The following SOHLH2 variants were observed in gnomAD, a reference collection of about 807,000 sequenced individuals.
SOHLH2 encodes spermatogenesis and oogenesis specific basic helix-loop-helix 2, also known as spermatogenesis- and oogenesis-specific basic helix-loop-helix-containing protein 2.
Under a neutral mutation model 50.4 loss-of-function variants are expected in SOHLH2, and 22 were observed. The ratio of observed to expected loss-of-function variants is 0.44; its 90% confidence interval spans 0.31 to 0.62. SOHLH2 has a LOEUF of 0.62. SOHLH2 is among the 20% of genes least tolerant of loss of function. SOHLH2 has a pLI of 0.08. For synonymous variants in SOHLH2, 185 were observed against 187.3 expected, an observed-to-expected ratio of 0.99 and a Z score of 0.10; for missense variants, 412 against 504.4, an observed-to-expected ratio of 0.82 and a Z score of 1.76.
chr13:36,179,891 G>T (rs1396320779), intron 6 of SOHLH2, among the ~76,000 whole-genome samples: 1 of 152,142 alleles, frequency 6.6e-6, no homozygotes, highest in Non-Finnish European at 1.5e-5. Flanking sequence ...TAATGTCTTT[G>T]TCAGGCTTAG....
chr13:36,214,170 C>T (rs938814567), intron 1 of SOHLH2, among the ~76,000 whole-genome samples: 2 of 151,970 alleles, frequency 1.3e-5, no homozygotes, highest in African/African-American at 4.8e-5. Context: ...CTTTATAACA[C>T]GATTCAGTTC....
rs11841230 is a variant in SOHLH2 at position 36,178,006 on chromosome 13, T to C, written c.642-3137A>G. On this transcript the variant is annotated intron_variant, in intron 6 of 10. Coordinates refer to ENST00000379881, the MANE Select transcript of SOHLH2 (RefSeq NM_017826.3). ...TGCGTACTCTCAGCTCATGAAGACA[T>C]TCTATTTTCTTGTAGAACTGTAATG... is the stretch of plus-strand genomic sequence containing the variant. Among the ~76,000 whole-genome samples, 859 of 152,094 alleles carry C rather than the reference T, an allele frequency of 5.6e-3. 3 individuals carry two copies. The highest frequency in any genetic ancestry group is 0.01 in the Non-Finnish European group (705 of 67,922).
chr13:36,214,489 A>G lies in SOHLH2; in HGVS notation c.38T>C (p.Ile13Thr). 6.2e-7 allele frequency: 1 copy of G among 1,612,868 alleles called. No homozygotes were observed. Among genetic ancestry groups the G allele is most frequent in the Non-Finnish European group, 8.5e-7 (1 of 1,179,546 alleles). ...TCCACAGCCTCTTACCTGGCCCGAG[A>G]TCTGGCAGTGCTCCTGGCAGATAAT... ...SSIICQEHCQ[I>T]SGQAKIDILL... Residue 13 changes from isoleucine to threonine, a missense_variant, in exon 1 of 11, where the codon ATC (isoleucine) becomes ACC (threonine). Coordinates refer to ENST00000379881, the MANE Select transcript of SOHLH2 (RefSeq NM_017826.3).
At chr13:36,211,137 C>T (rs757762495) in intron 1 of SOHLH2, among the ~76,000 whole-genome samples, 46 of 152,064 alleles carry the variant, frequency 3.0e-4, no homozygotes, top group Non-Finnish European at 5.3e-4. Context: ...TATGAATGCC[C>T]AAAAATAACC....
intron 1 of SOHLH2, among the ~76,000 whole-genome samples, chr13:36,208,128 T>C (rs747256842): frequency 3.3e-5 from 5 of 152,190 alleles, no homozygotes; most frequent in African/African-American, 7.2e-5. Context: ...TTAATAAATA[T>C]GTTAGTGGAG....
At chr13:36,181,993 G>A (rs1887269450) in intron 6 of SOHLH2, 1 of 929,774 alleles carries the variant, frequency 1.1e-6, no homozygotes, top group Admixed American at 6.2e-5. Flanking sequence ...TGATAAATAT[G>A]GTGGCATACA....
chr13:36,187,171 CT>C (rs1352395414), intron 6 of SOHLH2, among the ~76,000 whole-genome samples: 2 of 152,064 alleles, frequency 1.3e-5, no homozygotes, highest in Admixed American at 6.5e-5. Context: ...TCTTTTCAGT[CT>C]ACTAGATGAG....
At chr13:36,196,993 C>T (rs1887751465) in intron 2 of SOHLH2, among the ~76,000 whole-genome samples, 1 of 152,138 alleles carries the variant, frequency 6.6e-6, no homozygotes, top group African/African-American at 2.4e-5. Context: ...TAGGATCAAC[C>T]AGAAAATGTT....
chr13:36,201,670 A>AT (rs1868425671), intron 2 of SOHLH2, among the ~76,000 whole-genome samples: 1 of 152,124 alleles, frequency 6.6e-6, no homozygotes, highest in African/African-American at 2.4e-5. Flanking sequence ...AGGTCTCACT[A>AT]TGTTGCCCAG....
chr13:36,202,508 C>T lies in SOHLH2; in HGVS notation c.49-415G>A, dbSNP rs61007712. Among the ~76,000 whole-genome samples the T allele has an allele frequency of 9.5e-3, 1,441 of 152,220 alleles. 12 individuals are homozygous for T. Among genetic ancestry groups the T allele is most frequent in the Middle Eastern group, 0.031 (9 of 294 alleles). Reference sequence around the variant, plus strand: ...ATTTATTTTGGTGAAACACACATTCCAGGGAACAGAGAAAGATTTAAATTC... The same window carrying T: ...ATTTATTTTGGTGAAACACACATTCTAGGGAACAGAGAAAGATTTAAATTC... On this transcript the variant is annotated intron_variant, in intron 1 of 10. Coordinates refer to ENST00000379881, the MANE Select transcript of SOHLH2 (RefSeq NM_017826.3).
chr13:36,175,813 G>A (rs1175722022), intron 6 of SOHLH2, among the ~76,000 whole-genome samples: 4 of 152,100 alleles, frequency 2.6e-5, no homozygotes, highest in Non-Finnish European at 5.9e-5. Context: ...GGGGCTCTGC[G>A]GGGGTGTCTC....
At chr13:36,201,048 CAAAAA>C (rs10660002) in intron 2 of SOHLH2, among the ~76,000 whole-genome samples, 92 of 55,972 alleles carry the variant, frequency 1.6e-3, no homozygotes, top group South Asian at 9.4e-4. Context: ...GACTCTGCCT[CAAAAA>C]AAAAAAAAAA....
In SOHLH2 at chr13:36,170,602, C is replaced by G; in HGVS notation, c.1186G>C (p.Val396Leu). Residue 396 changes from valine (V) to leucine (L), a missense_variant, in exon 10 of 11, where the codon GTC (valine) becomes CTC (leucine). By Grantham distance (32) the Val-to-Leu change is conservative. Coordinates refer to ENST00000379881, the MANE Select transcript of SOHLH2 (RefSeq NM_017826.3). Reference protein sequence around the residue: ...SIHLPSAMPPVSKLLPRHCTS... With the variant: ...SIHLPSAMPPLSKLLPRHCTS... The stretch of plus-strand genomic sequence containing the variant: ...CAGTGCCGAGGGAGAAGCTTTGAGA[C>G]CGGGGGCATGGCTGAAGGTAAATGA... The G allele has an allele frequency of 6.2e-7, 1 of 1,614,112 alleles. No individual in the cohort carries two copies. The highest frequency in any genetic ancestry group is 8.5e-7 in the Non-Finnish European group (1 of 1,180,034).
chr13:36,180,216 G>GA (rs1404777124), intron 6 of SOHLH2, among the ~76,000 whole-genome samples: 2 of 152,058 alleles, frequency 1.3e-5, no homozygotes, highest in Admixed American at 1.3e-4. Context: ...TAAATATTTA[G>GA]AGTAGCTATC....
chr13:36,183,811 T>C (rs1416894822), intron 6 of SOHLH2, among the ~76,000 whole-genome samples: 2 of 152,172 alleles, frequency 1.3e-5, no homozygotes, highest in East Asian at 1.9e-4. Context: ...AGTACTAGCA[T>C]AGAAAAATTA....
At chr13:36,186,787 G>A (rs1429981651) in intron 6 of SOHLH2, among the ~76,000 whole-genome samples, 3 of 152,094 alleles carry the variant, frequency 2.0e-5, no homozygotes, top group South Asian at 2.1e-4. Flanking sequence ...ATAAGAATGC[G>A]AGTATCAGAG....
intron 8 of SOHLH2, 63 bp from the exon 9 acceptor site, chr13:36,173,873 G>C: frequency 1.3e-6 from 2 of 1,571,102 alleles, no homozygotes; most frequent in Non-Finnish European, 1.7e-6. Flanking sequence ...ACACTGCTGA[G>C]TTCAATTGCC....
rs549624130 is a variant in SOHLH2, at chr13:36,214,506, G to A, written c.21C>T (p.Cys7=). The change falls in exon 1 of 11, where the codon TGC becomes TGT. Residue 7 remains cysteine (C), a synonymous_variant. Transcript: ENST00000379881. ...GGCCCGAGATCTGGCAGTGCTCCTG[G>A]CAGATAATTGAGGAAGCCATGGCCG... is the stretch of plus-strand genomic sequence containing the variant. MASSII[C]QEHCQISGQA... The A allele has an allele frequency of 6.2e-7, 1 of 1,612,838 alleles. No homozygotes were observed. The highest frequency in any genetic ancestry group is 1.7e-5 in the Admixed American group (1 of 59,940).
intron 1 of SOHLH2, among the ~76,000 whole-genome samples, chr13:36,202,572 G>T (rs1403185964): frequency 3.9e-5 from 6 of 152,098 alleles, no homozygotes; most frequent in Non-Finnish European, 8.8e-5. Context: ...TCCTTTCAAT[G>T]GAATATATGT....
Sources: allele counts gnomAD v4.1 joint callset (sites outside exome capture counted in the v4.1 genomes callset), GRCh38; gene constraint gnomAD v4.1.1; transcripts MANE v1.5; gene names NCBI Gene and HGNC (gene_info 2026-07-23, HGNC 2026-07-21).